The following DIP2C variants were observed in gnomAD, a reference collection of about 807,000 sequenced individuals.
DIP2C encodes the protein DIP2 acetate--CoA ligase C (putative), also known as disco-interacting protein 2 homolog C.
DIP2C carries 33 observed loss-of-function variants against 192.4 expected under a neutral mutation model. The observed-to-expected ratio is 0.17, with a 90% CI of 0.13 to 0.23. The LOEUF (loss-of-function observed/expected upper bound fraction) is 0.23. Among genes scored for constraint, DIP2C ranks in the 10% least tolerant of loss-of-function variants. The pLI is 1.00. For synonymous variants in DIP2C, 979 were observed against 864.1 expected (o/e 1.13, Z -2.33); for missense variants, 1,537 against 2,110.1 (o/e 0.73, Z 5.32).
intron 2 of DIP2C, among the ~76,000 whole-genome samples, chr10:474,513 A>C (rs1483064342): frequency 1.3e-5 from 2 of 152,288 alleles, no homozygotes; most frequent in East Asian, 3.9e-4. Context: ...CCCCCGCCCC[A>C]GTCCCAAACG....
chr10:620,932 G>A (rs1353669552), intron 1 of DIP2C, among the ~76,000 whole-genome samples: 2 of 152,200 alleles, frequency 1.3e-5, no homozygotes, highest in Non-Finnish European at 2.9e-5. Context: ...CTTAACCACG[G>A]GGTCATGTGG....
chr10:362,519 T>C lies in DIP2C; in HGVS notation c.2765A>G (p.Asn922Ser). ...CTGCTTCTGTCGAGGCTTAGGCAAG[T>C]TTGTGACGCAGGTGTGGGGGCACAT... The part of the protein sequence containing the change: ...VLMCPHTCVT[N>S]LPKPRQKQPE... Residue 922 changes from asparagine (N) to serine (S), a missense_variant, in exon 22 of 37, where the codon AAC becomes AGC. By Grantham distance (46) the Asn-to-Ser change is conservative. Coordinates refer to ENST00000280886, the MANE Select transcript of DIP2C (RefSeq NM_014974.3). 1 of 1,613,836 alleles carries C rather than the reference T, an allele frequency of 6.2e-7. No homozygotes were observed. The highest frequency in any genetic ancestry group is 8.5e-7 in the Non-Finnish European group (1 of 1,179,888).
At chr10:682,290 C>T (rs554292387) in intron 1 of DIP2C, among the ~76,000 whole-genome samples, 3 of 152,158 alleles carry the variant, frequency 2.0e-5, no homozygotes, top group Non-Finnish European at 2.9e-5. Context: ...CCAGGGGAGC[C>T]CCAAGTGCTC....
chr10:414,756 T>TATAA (rs1435691808), intron 7 of DIP2C, among the ~76,000 whole-genome samples: 1 of 132,766 alleles, frequency 7.5e-6, no homozygotes, highest in African/African-American at 2.9e-5. Context: ...TATATATATA[T>TATAA]AATGTGTATA....
At chr10:640,503 C>T (rs1470000141) in intron 1 of DIP2C, among the ~76,000 whole-genome samples, 4 of 152,156 alleles carry the variant, frequency 2.6e-5, no homozygotes, top group African/African-American at 7.2e-5. Flanking sequence ...TACTGCACCT[C>T]AATAAACTTA....
In DIP2C at chr10:378,441, A is replaced by G. The variant is rs544697279; in HGVS notation, c.1991+4206T>C. Among the ~76,000 whole-genome samples the G allele has an allele frequency of 2.6e-5, 4 of 152,360 alleles. No homozygotes were observed. The East Asian group carries it at 5.8e-4, about 22-fold the overall frequency. ...CATGCATGCATGAACAGGCATGCAT[A>G]AAGACACGTGAACACAAACATGCCT... On this transcript the variant is annotated intron_variant, in intron 17 of 36. Coordinates refer to ENST00000280886, the MANE Select transcript of DIP2C (RefSeq NM_014974.3).
At chr10:354,584 A>C (rs1958984541) in intron 24 of DIP2C, among the ~76,000 whole-genome samples, 1 of 152,206 alleles carries the variant, frequency 6.6e-6, no homozygotes, top group Admixed American at 6.5e-5. Flanking sequence ...ATTACTGGAC[A>C]CATGCTTGTG....
At chr10:362,081 TGGA>T (rs1959602512) in intron 22 of DIP2C, among the ~76,000 whole-genome samples, 1 of 143,586 alleles carries the variant, frequency 7.0e-6, no homozygotes, top group African/African-American at 2.6e-5. Flanking sequence ...AAAAAAGAAA[TGGA>T]GGAGGAATAT....
At chr10:605,215 G>A (rs909467973) in intron 1 of DIP2C, among the ~76,000 whole-genome samples, 2 of 152,204 alleles carry the variant, frequency 1.3e-5, no homozygotes, top group African/African-American at 4.8e-5. Flanking sequence ...CTAGATGAAA[G>A]CAACGTGTTC....
chr10:319,589 G>T (rs1448804678), intron 31 of DIP2C, among the ~76,000 whole-genome samples: 1 of 152,154 alleles, frequency 6.6e-6, no homozygotes, highest in Admixed American at 6.5e-5. Flanking sequence ...AATTGTGGCT[G>T]TGAGAAATAT....
At chr10:532,540 G>GGT (rs543599209) in intron 1 of DIP2C, among the ~76,000 whole-genome samples, 1 of 126,162 alleles carries the variant, frequency 7.9e-6, no homozygotes, top group Non-Finnish European at 1.8e-5. Context: ...AGAGAGTATG[G>GGT]GTGTGAGAGA....
At chr10:484,387 C>T (rs1187348963) in intron 2 of DIP2C, among the ~76,000 whole-genome samples, 4 of 152,250 alleles carry the variant, frequency 2.6e-5, no homozygotes, top group Non-Finnish European at 5.9e-5. Context: ...CTCCTTCTAG[C>T]AGATCTCAGA....
At chr10:400,993 TTCA>T (rs1244235162) in intron 9 of DIP2C, among the ~76,000 whole-genome samples, 2 of 129,736 alleles carry the variant, frequency 1.5e-5, no homozygotes, top group African/African-American at 6.1e-5. Flanking sequence ...TTGGTATGTG[TTCA>T]TCAGCACATG....
intron 1 of DIP2C, among the ~76,000 whole-genome samples, chr10:499,812 C>G (rs1845099260): frequency 6.6e-6 from 1 of 152,204 alleles, no homozygotes; most frequent in African/African-American, 2.4e-5. Flanking sequence ...TTACTAACAC[C>G]ATTTTAAAGG....
At chr10:433,597 C>T (rs1392312469) in intron 4 of DIP2C, among the ~76,000 whole-genome samples, 1 of 152,156 alleles carries the variant, frequency 6.6e-6, no homozygotes, top group Non-Finnish European at 1.5e-5. Context: ...AGGAGAATCA[C>T]TTGAATCTGG....
chr10:526,582 G>A (rs1361993864), intron 1 of DIP2C, among the ~76,000 whole-genome samples: 2 of 151,496 alleles, frequency 1.3e-5, no homozygotes, highest in Non-Finnish European at 2.9e-5. Context: ...TTTTATGTTA[G>A]TTTTACATTA....
chr10:482,341 ACTGACCATGGGAGGCCT>A (rs1337295827), intron 2 of DIP2C, among the ~76,000 whole-genome samples: 1 of 151,718 alleles, frequency 6.6e-6, no homozygotes, highest in African/African-American at 2.4e-5. Flanking sequence ...CTTAACTCAC[ACTGACCATGGGAGGCCT>A]CTTCCTGGAG....
intron 16 of DIP2C, among the ~76,000 whole-genome samples, chr10:383,433 A>C (rs919459539): frequency 2.0e-5 from 3 of 152,234 alleles, no homozygotes; most frequent in African/African-American, 7.2e-5. Flanking sequence ...TCACAAAAGC[A>C]TGCTAGCTAG....
chr10:363,267 A>G lies in DIP2C; in HGVS notation c.2522T>C (p.Val841Ala), dbSNP rs1232172429. 1 of 1,613,236 alleles carries G rather than the reference A, an allele frequency of 6.2e-7. No individual in the cohort carries two copies. Among genetic ancestry groups the G allele is most frequent in the African/African-American group, 1.3e-5 (1 of 74,884 alleles). ...SVTVLHDERI[V>A]IVAEQRPDST... ...GTCAGGCCTCTGCTCAGCCACGATC[A>G]CGATCCTCTCGTCGTGCAGCACGGT... The change falls in exon 21 of 37, where the codon GTG becomes GCG. Residue 841 changes from valine to alanine, a missense_variant. Physicochemically the swap from Val to Ala is moderately conservative, Grantham distance 64. This residue lies in a region of DIP2C where 677 missense variants were observed against 989.9 expected (regional missense o/e 0.68). Coordinates refer to ENST00000280886, the MANE Select transcript of DIP2C (RefSeq NM_014974.3). The surrounding 1 kb of genome is among the most constrained non-coding windows in gnomAD (Gnocchi z 5.4).
Sources: gnomAD v4.1 joint callset for allele counts (sites outside exome capture counted in the v4.1 genomes callset) on GRCh38, gnomAD v4.1.1 for gene constraint, gnomAD v4.1.1 regional missense constraint, Gnocchi (gnomAD v3.1) non-coding constraint, MANE v1.5 for transcripts, NCBI Gene and HGNC (gene_info 2026-07-23, HGNC 2026-07-21) for gene names.